SPATA31H1: variants seen among roughly 807,000 people sequenced by gnomAD.
SPATA31H1 encodes spermatogenesis-associated protein 31H1.
the SPATA31H1 span, chr2:27,582,571 T>G: frequency 6.5e-5 from 99 of 1,521,010 alleles, 1 homozygote; most frequent in Admixed American, 1.6e-3. Context: ...GTCTTCATCG[T>G]GCTGCCCTTT....
chr2:27,574,762 A>C, the SPATA31H1 span: 1 of 398,504 alleles, frequency 2.5e-6, no homozygotes, highest in East Asian at 3.6e-5. Context: ...CAAGGTGGGG[A>C]ATCTGTGGAG....
At chr2:27,570,767 G>A in the SPATA31H1 span, 1 of 398,954 alleles carries the variant, frequency 2.5e-6, no homozygotes, top group Non-Finnish European at 4.4e-6. Flanking sequence ...TTAAGCCTGA[G>A]TTGTTAGTAC....
chr2:27,576,420 G>A, the SPATA31H1 span: 2 of 610,746 alleles, frequency 3.3e-6, no homozygotes, highest in East Asian at 5.5e-5. Flanking sequence ...ATTTGTACCA[G>A]AGCCATGTTC....
chr2:27,573,045 A>G, the SPATA31H1 span: 1 of 398,202 alleles, frequency 2.5e-6, no homozygotes, highest in Non-Finnish European at 4.4e-6. Flanking sequence ...CCAAGGTGTA[A>G]AAACTGTAGG....
At chr2:27,574,878 C>A in the SPATA31H1 span, 21 of 398,326 alleles carry the variant, frequency 5.3e-5, 1 homozygote, top group Non-Finnish European at 9.3e-5. Flanking sequence ...ATCACACTTG[C>A]AAGGTATGAA....
chr2:27,572,592 G>A, the SPATA31H1 span: 1 of 398,282 alleles, frequency 2.5e-6, no homozygotes, highest in Non-Finnish European at 4.4e-6. Flanking sequence ...GAAAATGCTA[G>A]CATCCACCTC....
the SPATA31H1 span, chr2:27,567,216 A>G: frequency 1.6e-6 from 1 of 626,474 alleles, no homozygotes; most frequent in Non-Finnish European, 2.9e-6. Context: ...TTCTGTTTCC[A>G]AGGAGAGACC....
At chr2:27,554,191 T>C in the SPATA31H1 span, among the ~76,000 whole-genome samples, 1 of 152,040 alleles carries the variant, frequency 6.6e-6, no homozygotes, top group Non-Finnish European at 1.5e-5. Flanking sequence ...TCTACAATTC[T>C]CCTCTTTTCT....
At chr2:27,581,473 C>T in the SPATA31H1 span, 18 of 1,613,846 alleles carry the variant, frequency 1.1e-5, no homozygotes, top group African/African-American at 2.1e-4. Flanking sequence ...CACAGTCCCT[C>T]TCAGAGGAGC....
the SPATA31H1 span, chr2:27,573,406 A>C: frequency 2.5e-6 from 1 of 398,418 alleles, no homozygotes; most frequent in African/African-American, 2.1e-5. Flanking sequence ...TGTGGTTCAC[A>C]ATCTCGAGTT....
chr2:27,548,031 G>C, the SPATA31H1 span, among the ~76,000 whole-genome samples: 2 of 146,582 alleles, frequency 1.4e-5, no homozygotes, highest in Non-Finnish European at 3.0e-5. Flanking sequence ...ACCCAGGCTG[G>C]AGTGTAGTGG....
the SPATA31H1 span, chr2:27,580,963 T>C: frequency 6.2e-6 from 10 of 1,614,092 alleles, no homozygotes; most frequent in South Asian, 2.2e-5. Flanking sequence ...CAAAGTGGTA[T>C]TGCTTTCCAA....
the SPATA31H1 span, chr2:27,579,722 G>A: frequency 6.2e-7 from 1 of 1,614,010 alleles, no homozygotes; most frequent in African/African-American, 1.3e-5. Context: ...AAGAAAGTGA[G>A]GACTCACAGA....
At chr2:27,581,518 C>T in the SPATA31H1 span, 1 of 1,609,326 alleles carries the variant, frequency 6.2e-7, no homozygotes, top group South Asian at 1.1e-5. Flanking sequence ...CATCACAGTC[C>T]CTCAGAGAGA....
the SPATA31H1 span, chr2:27,581,223 C>T: frequency 7.0e-5 from 113 of 1,614,082 alleles, no homozygotes; most frequent in African/African-American, 5.2e-4. Context: ...GAGAACCCCA[C>T]GCGGTCCTTC....
chr2:27,581,680 G>A, the SPATA31H1 span: 1,921 of 1,606,160 alleles, frequency 1.2e-3, 44 homozygotes, highest in South Asian at 0.02. Flanking sequence ...AGGAGCCATC[G>A]TGGTCCCTCT....
At chr2:27,543,581 C>T in the SPATA31H1 span, among the ~76,000 whole-genome samples, 2 of 150,990 alleles carry the variant, frequency 1.3e-5, no homozygotes, top group Admixed American at 1.3e-4. Flanking sequence ...ATCATTTTTC[C>T]TCCCCAACCT....
At chr2:27,576,406 T>G in the SPATA31H1 span, 1 of 588,688 alleles carries the variant, frequency 1.7e-6, no homozygotes, top group Non-Finnish European at 3.0e-6. Context: ...GTGAGATCTG[T>G]GGTATTTGTA....
At chr2:27,548,377 G>A in the SPATA31H1 span, among the ~76,000 whole-genome samples, 8 of 151,822 alleles carry the variant, frequency 5.3e-5, no homozygotes, top group African/African-American at 1.9e-4. Flanking sequence ...GGAGACTGAG[G>A]CAGGAGGATT....
Sources: gnomAD v4.1 joint callset for allele counts (sites outside exome capture counted in the v4.1 genomes callset) on GRCh38, gnomAD v4.1.1 for gene constraint, MANE v1.5 for transcripts, NCBI Gene and HGNC (gene_info 2026-07-23, HGNC 2026-07-21) for gene names.